PTPRG: variants seen among roughly 807,000 people sequenced by gnomAD.
PTPRG encodes the protein receptor-type tyrosine-protein phosphatase gamma.
PTPRG carries 102 observed loss-of-function variants against 165.3 expected under a neutral mutation model. The observed-to-expected ratio is 0.62, with a 90% CI of 0.53 to 0.73. PTPRG has a LOEUF of 0.73. Among genes scored for constraint, PTPRG ranks in the 30% least tolerant of loss-of-function variants. The probability of loss-of-function intolerance (pLI) is 0.00; values close to 1 mark genes in which losing one functional copy is unlikely to be tolerated. For synonymous variants in PTPRG, 675 were observed against 669.5 expected (o/e 1.01, Z -0.13); for missense variants, 1,866 against 1,861.4 (o/e 1.00, Z -0.05).
At chr3:62,095,542 C>T (rs1418607745) in intron 5 of PTPRG, among the ~76,000 whole-genome samples, 1 of 152,212 alleles carries the variant, frequency 6.6e-6, no homozygotes, top group Non-Finnish European at 1.5e-5. Flanking sequence ...TTGTAGCCAA[C>T]TGTATGCCAA....
intron 2 of PTPRG, among the ~76,000 whole-genome samples, chr3:61,920,034 G>A (rs1346989124): frequency 4.6e-5 from 7 of 152,192 alleles, no homozygotes; most frequent in African/African-American, 1.7e-4. Flanking sequence ...CCCATAACCA[G>A]CTACAGAAGT....
At chr3:61,656,694 A>T (rs1702518415) in intron 1 of PTPRG, among the ~76,000 whole-genome samples, 1 of 152,170 alleles carries the variant, frequency 6.6e-6, no homozygotes. Flanking sequence ...TTTTTAGGAG[A>T]TAGGTTGCCT....
At chr3:62,265,006 C>A (rs1701819825) in intron 17 of PTPRG, among the ~76,000 whole-genome samples, 1 of 150,652 alleles carries the variant, frequency 6.6e-6, no homozygotes, top group South Asian at 2.1e-4. Flanking sequence ...GAAGTGGTAT[C>A]CTATTGTAGT....
intron 1 of PTPRG, among the ~76,000 whole-genome samples, chr3:61,650,973 G>A (rs939801018): frequency 4.6e-5 from 7 of 152,050 alleles, no homozygotes; most frequent in African/African-American, 1.7e-4. Context: ...TTTTTGCTGT[G>A]GAGTTGTCTA....
intron 4 of PTPRG, among the ~76,000 whole-genome samples, chr3:62,011,200 AT>A (rs2041414972): frequency 6.6e-6 from 1 of 152,090 alleles, no homozygotes; most frequent in Non-Finnish European, 1.5e-5. Flanking sequence ...CCTCCCGTGC[AT>A]GTGTTAAGGA....
intron 1 of PTPRG, among the ~76,000 whole-genome samples, chr3:61,728,815 T>A (rs1303942575): frequency 6.6e-6 from 1 of 150,378 alleles, no homozygotes; most frequent in East Asian, 2.0e-4. Context: ...GATGGAAGGC[T>A]TGCTTGAGCC....
At chr3:61,587,647 T>G in intron 1 of PTPRG, among the ~76,000 whole-genome samples, 1 of 152,160 alleles carries the variant, frequency 6.6e-6, no homozygotes, top group East Asian at 1.9e-4. Flanking sequence ...TTTTTCATTT[T>G]ATCTTATTTT....
chr3:61,832,952 T>C (rs967823593), intron 2 of PTPRG, among the ~76,000 whole-genome samples: 1 of 152,190 alleles, frequency 6.6e-6, no homozygotes, highest in Admixed American at 6.5e-5. Context: ...TGAAAACATA[T>C]GATGTTTGGT....
At chr3:61,603,734 T>C (rs1700926224) in intron 1 of PTPRG, among the ~76,000 whole-genome samples, 1 of 152,304 alleles carries the variant, frequency 6.6e-6, no homozygotes, top group South Asian at 2.1e-4. Flanking sequence ...TAGCTTCTGG[T>C]CCTTGCTGGC....
At chr3:61,986,026 T>C (rs890735132) in intron 2 of PTPRG, among the ~76,000 whole-genome samples, 2 of 151,526 alleles carry the variant, frequency 1.3e-5, no homozygotes, top group Non-Finnish European at 2.9e-5. Context: ...GAGTGAGGAA[T>C]ACTTAGCAAG....
chr3:62,017,414 A>G (rs1405468987), intron 4 of PTPRG, among the ~76,000 whole-genome samples: 1 of 111,376 alleles, frequency 9.0e-6, no homozygotes, highest in African/African-American at 3.4e-5. Context: ...TAGCTCAGAA[A>G]ATGATTTTTT....
chr3:61,944,850 G>A (rs1217666332), intron 2 of PTPRG, among the ~76,000 whole-genome samples: 1 of 152,166 alleles, frequency 6.6e-6, no homozygotes, highest in East Asian at 1.9e-4. Flanking sequence ...GACCCCAACA[G>A]GATGAGATCA....
intron 1 of PTPRG, among the ~76,000 whole-genome samples, chr3:61,636,779 C>CT (rs1002220140): frequency 2.8e-4 from 42 of 151,478 alleles, no homozygotes; most frequent in Middle Eastern, 3.4e-3. Flanking sequence ...GTTTCAAATG[C>CT]TTTTTTTTTG....
intron 28 of PTPRG, among the ~76,000 whole-genome samples, chr3:62,283,768 A>G (rs147930467): frequency 1.3e-5 from 2 of 152,176 alleles, no homozygotes; most frequent in Non-Finnish European, 2.9e-5. Context: ...TGATGTACAC[A>G]AGAGCTCAGC....
chr3:61,566,659 C>T (rs1699922240), intron 1 of PTPRG, among the ~76,000 whole-genome samples: 1 of 152,182 alleles, frequency 6.6e-6, no homozygotes, highest in Non-Finnish European at 1.5e-5. Context: ...AGGCACGTGC[C>T]ACTATGCCTA....
At chr3:61,962,324 A>G (rs1212402086) in intron 2 of PTPRG, among the ~76,000 whole-genome samples, 7 of 152,184 alleles carry the variant, frequency 4.6e-5, no homozygotes, top group African/African-American at 1.7e-4. Flanking sequence ...ATTATGCTAG[A>G]AATGGTGGTA....
chr3:62,111,701 G>A (rs1017280257), intron 5 of PTPRG, among the ~76,000 whole-genome samples: 5 of 152,048 alleles, frequency 3.3e-5, no homozygotes, highest in African/African-American at 9.7e-5. Context: ...CTCTGGCCTC[G>A]GCCTCCCAAA....
chr3:61,645,147 A>G (rs1288774755), intron 1 of PTPRG, among the ~76,000 whole-genome samples: 1 of 152,256 alleles, frequency 6.6e-6, no homozygotes, highest in African/African-American at 2.4e-5. Context: ...GTAAACAAAT[A>G]GAAGGCCAGA....
In PTPRG at chr3:62,123,298, C is replaced by G. The variant is rs554905471; in HGVS notation, c.616-9304C>G. ...TGTTGGCCAAAGGCTGCTGTCACTT[C>G]CTTTTGGCATTATCATAGCTCACTG... On this transcript the variant is annotated intron_variant, in intron 5 of 29. Coordinates refer to ENST00000474889, the MANE Select transcript of PTPRG (RefSeq NM_002841.4). 1.4e-3 allele frequency among the ~76,000 whole-genome samples: 208 copies of G among 152,310 alleles called. 5 individuals are homozygous for G. The highest frequency in any genetic ancestry group is 3.4e-3 in the Middle Eastern group (1 of 294).
Sources: allele counts gnomAD v4.1 joint callset (sites outside exome capture counted in the v4.1 genomes callset), GRCh38; gene constraint gnomAD v4.1.1; transcripts MANE v1.5; gene names NCBI Gene and HGNC (gene_info 2026-07-23, HGNC 2026-07-21).